The following NFS1 variants were observed in gnomAD, a reference collection of about 807,000 sequenced individuals.
NFS1 encodes the protein cysteine desulfurase.
In NFS1, 26 loss-of-function variants were observed where a neutral mutation model predicts 57.3. The observed-to-expected ratio is 0.45, with a 90% CI of 0.33 to 0.63. The LOEUF is 0.63. NFS1 is among the 20% of genes least tolerant of loss of function. NFS1 has a pLI of 0.02. For missense variants in NFS1, 505 were observed against 605.8 expected (o/e 0.83, Z 1.75); for synonymous variants, 209 against 216.3 (o/e 0.97, Z 0.30).
Position 35,681,983 on chromosome 20 carries a change from T to C in NFS1, c.562-2A>G, listed in dbSNP as rs1033994326. The C allele has an allele frequency of 1.9e-6, 3 of 1,582,672 alleles. No individual in the cohort carries two copies. Among genetic ancestry groups the C allele is most frequent in the African/African-American group, 1.3e-5 (1 of 74,330 alleles). ...TGGCTGGATAGCAGCCTCTAGTTCC[T>C]AGGGATATGCAGGAGTAAGGTGACT... On this transcript the variant is annotated splice_acceptor_variant, in intron 5 of 12. Transcript: ENST00000374092. LOFTEE classifies it high-confidence loss of function.
intron 7 of NFS1, among the ~76,000 whole-genome samples, chr20:35,677,843 AG>A (rs1226941850): frequency 6.6e-6 from 1 of 151,978 alleles, no homozygotes; most frequent in Non-Finnish European, 1.5e-5. Context: ...CTGAGGCGGG[AG>A]GGTTGCTTGA....
intron 7 of NFS1, among the ~76,000 whole-genome samples, chr20:35,676,635 G>A (rs146926577): frequency 6.6e-6 from 1 of 151,688 alleles, no homozygotes; most frequent in African/African-American, 2.4e-5. Context: ...GAAACAGTGA[G>A]TACAGTATGC....
chr20:35,691,599 G>C (rs1369085913), intron 4 of NFS1, among the ~76,000 whole-genome samples: 2 of 151,362 alleles, frequency 1.3e-5, no homozygotes, highest in African/African-American at 4.9e-5. Context: ...AAATAAGCCA[G>C]GCCCGGTGGC....
Position 35,690,558 on chromosome 20 carries a change from G to A in NFS1, c.416C>T (p.Ala139Val). 1 of 1,613,908 alleles carries A rather than the reference G, an allele frequency of 6.2e-7. No homozygotes were observed. Among genetic ancestry groups the A allele is most frequent in the Non-Finnish European group, 8.5e-7 (1 of 1,179,924 alleles). ...CTTTTTCCGTGACCTGTAGAATCGG[G>A]CCACCCCCTAGAAATTGGTGGTGAC... The part of the protein sequence containing the change: ...ESNNIAIKGV[A>V]RFYRSRKKHL... The change falls in exon 5 of 13, where the codon GCC becomes GTC. Residue 139 changes from alanine to valine, a missense_variant. Ala to Val is a moderately conservative substitution (Grantham distance 64). Coordinates refer to ENST00000374092, the MANE Select transcript of NFS1 (RefSeq NM_021100.5).
At chr20:35,671,249 G>A (rs1005960086) in intron 12 of NFS1, among the ~76,000 whole-genome samples, 1 of 152,098 alleles carries the variant, frequency 6.6e-6, no homozygotes, top group Non-Finnish European at 1.5e-5. Context: ...GACTACAGGT[G>A]CCCACCATGC....
In NFS1 at chr20:35,693,725, T is replaced by C. The variant is rs183021054; in HGVS notation, c.408+2652A>G. ...ACACCTGTAAAACCAGCACTTCGGT[T>C]GGCCAAGGCAGGCGGATCACAAGGT... On this transcript the variant is annotated intron_variant, in intron 4 of 12. Coordinates refer to ENST00000374092, the MANE Select transcript of NFS1 (RefSeq NM_021100.5). 1.5e-3 allele frequency among the ~76,000 whole-genome samples: 231 copies of C among 152,186 alleles called. 1 individual carries two copies. The highest frequency in any genetic ancestry group is 5.4e-3 in the African/African-American group (225 of 41,542).
In NFS1 at chr20:35,699,326, A is replaced by C. The variant is rs975021871; in HGVS notation, c.-38T>G. On this transcript the variant is annotated 5_prime_UTR_variant, in exon 1 of 13. Coordinates refer to ENST00000374092, the MANE Select transcript of NFS1 (RefSeq NM_021100.5). This position sits in a 1 kb window ranked among gnomAD's most constrained non-coding sequence, Gnocchi z 4.4. ...AGAGCCCACCTTCCGAAGCCGCTGCAGTCCTGGGCCCCAGGCTCCCGGAAG... is the reference window on the plus strand; with the variant it reads ...AGAGCCCACCTTCCGAAGCCGCTGCCGTCCTGGGCCCCAGGCTCCCGGAAG... 3.7e-5 allele frequency: 52 copies of C among 1,393,112 alleles called. No homozygotes were observed. Among genetic ancestry groups the C allele is most frequent in the Non-Finnish European group, 4.3e-5 (46 of 1,078,286 alleles). 86.3% of individuals were successfully genotyped at this position (1,393,112 alleles called of 1,614,324 possible).
intron 6 of NFS1, 128 bp downstream of exon 6, chr20:35,681,760 T>C: frequency 1.8e-6 from 1 of 553,970 alleles, no homozygotes; most frequent in East Asian, 2.9e-5. Context: ...TCCAATGTCC[T>C]TGAACAAAGT....
intron 4 of NFS1, 89 bp downstream of exon 4, chr20:35,696,288 C>T (rs2146440608): frequency 1.5e-5 from 13 of 878,178 alleles, no homozygotes; most frequent in East Asian, 2.4e-5. Context: ...TGGATGGCTG[C>T]GAAATACATA....
intron 4 of NFS1, among the ~76,000 whole-genome samples, chr20:35,695,325 G>C (rs111260004): frequency 0.021 from 3,250 of 152,200 alleles, 45 homozygotes; most frequent in Non-Finnish European, 0.032. Flanking sequence ...TTCAGGCCAA[G>C]GTCAAAGAAA....
chr20:35,698,627 G>A, intron 1 of NFS1, 37 bp from the exon 2 acceptor site: 1 of 1,554,004 alleles, frequency 6.4e-7, no homozygotes. Context: ...AAGTAAGACC[G>A]AAGGCAACTA....
chr20:35,685,141 C>A (rs1263291983), intron 5 of NFS1, among the ~76,000 whole-genome samples: 3 of 151,690 alleles, frequency 2.0e-5, no homozygotes, highest in Non-Finnish European at 2.9e-5. Context: ...CCCACCTTGG[C>A]CCCCAAAGTG....
At chr20:35,698,892 C>T (rs981514448) in intron 1 of NFS1, 7 of 1,325,946 alleles carry the variant, frequency 5.3e-6, no homozygotes, top group African/African-American at 1.5e-5. Context: ...GGTGCAGTCC[C>T]TTCTGACCGA....
Position 35,690,296 on chromosome 20 carries a change from C to T in NFS1, c.561+117G>A, listed in dbSNP as rs187688738. 8.9e-5 allele frequency: 88 copies of T among 993,740 alleles called. No homozygotes were observed. In the African/African-American group the frequency reaches 1.3e-3, roughly 15 times the overall value. The allele number at this position is 993,740 out of a possible 1,614,324, so 61.6% of individuals were successfully genotyped here. Reference sequence around the variant, plus strand: ...TCTCTGCCAGGCTTATTTCTCTAAACTTCATCCTAACTGTTAGATCTATTC... The same window carrying T: ...TCTCTGCCAGGCTTATTTCTCTAAATTTCATCCTAACTGTTAGATCTATTC... On this transcript the variant is annotated intron_variant, in intron 5 of 12. Coordinates refer to ENST00000374092, the MANE Select transcript of NFS1 (RefSeq NM_021100.5).
In NFS1 at chr20:35,696,410, A is replaced by G. The variant is rs201976193; in HGVS notation, c.375T>C (p.Ser125=). 1.2e-6 allele frequency: 2 copies of G among 1,613,962 alleles called. No homozygotes were observed. The highest frequency in any genetic ancestry group is 2.2e-5 in the East Asian group (1 of 44,886). Reference sequence around the variant, plus strand: ...CTATGTTGTTGGATTCAGTAGCACCACTAGTAAAAATGATCTCACGAGGAT... The same window carrying G: ...CTATGTTGTTGGATTCAGTAGCACCGCTAGTAAAAATGATCTCACGAGGAT... ...GADPREIIFT[S]GATESNNIAI... The change falls in exon 4 of 13, where the codon AGT becomes AGC. Residue 125 remains serine, a synonymous_variant. Transcript: ENST00000374092.
chr20:35,692,372 T>C, intron 4 of NFS1: 1 of 200,154 alleles, frequency 5.0e-6, no homozygotes, highest in Non-Finnish European at 1.0e-5. Flanking sequence ...AGACTCCATC[T>C]CAAAATAAAT....
Position 35,692,387 on chromosome 20 carries a change from A to T in NFS1, c.409-1822T>A, listed in dbSNP as rs7347735. The T allele has an allele frequency of 0.084, 16,244 of 192,278 alleles. 1,630 individuals carry two copies. Among genetic ancestry groups the T allele is most frequent in the African/African-American group, 0.27 (11,072 of 40,646 alleles). The allele number at this position is 192,278 out of a possible 1,614,324, so 11.9% of individuals were successfully genotyped here. On this transcript the variant is annotated intron_variant, in intron 4 of 12. Coordinates refer to ENST00000374092, the MANE Select transcript of NFS1 (RefSeq NM_021100.5). ...AGACTCCATCTCAAAATAAATAAATAAATTAATTAATTAAAAAAAAAAAAG... is the reference window on the plus strand; with the variant it reads ...AGACTCCATCTCAAAATAAATAAATTAATTAATTAATTAAAAAAAAAAAAG...
At chr20:35,688,987 ATGTTAGGATT>A (rs2034993634) in intron 5 of NFS1, among the ~76,000 whole-genome samples, 1 of 152,222 alleles carries the variant, frequency 6.6e-6, no homozygotes, top group Non-Finnish European at 1.5e-5. Context: ...TACAAACAGC[ATGTTAGGATT>A]TGTCTAGGAA....
rs1250329083 is a variant in NFS1, at chr20:35,699,062, A to C, written c.97+130T>G. The stretch of plus-strand genomic sequence containing the variant: ...GGACCCGCCTAAGAAAGTTTGAGGG[A>C]TGTGTCATTTGAGAGAAGGGTCAGA... On this transcript the variant is annotated intron_variant, in intron 1 of 12. Coordinates refer to ENST00000374092, the MANE Select transcript of NFS1 (RefSeq NM_021100.5). The surrounding 1 kb of genome is among the most constrained non-coding windows in gnomAD (Gnocchi z 4.4). 3 of 1,320,996 alleles carry C rather than the reference A, an allele frequency of 2.3e-6. No homozygotes were observed. The African/African-American group carries it at 4.6e-5, about 20-fold the overall frequency. 81.8% of individuals were successfully genotyped at this position (1,320,996 alleles called of 1,614,324 possible).
Sources: gnomAD v4.1 joint callset for allele counts (sites outside exome capture counted in the v4.1 genomes callset) on GRCh38, gnomAD v4.1.1 for gene constraint, Gnocchi (gnomAD v3.1) non-coding constraint, MANE v1.5 for transcripts, NCBI Gene and HGNC (gene_info 2026-07-23, HGNC 2026-07-21) for gene names.